ADGRB3: variants seen among roughly 807,000 people sequenced by gnomAD.
ADGRB3 encodes the protein brain-specific angiogenesis inhibitor 3.
ADGRB3 carries 37 observed loss-of-function variants against 193.4 expected under a neutral mutation model. That is an observed-to-expected ratio of 0.19 (90% CI 0.15 to 0.25). ADGRB3 has a LOEUF of 0.25. Ranked by LOEUF, ADGRB3 falls within the 10% of genes least tolerant of loss-of-function variation. The pLI is 1.00. For synonymous variants in ADGRB3, 690 were observed against 644.2 expected (o/e 1.07, Z -1.08); for missense variants, 1,637 against 1,852.9 (o/e 0.88, Z 2.14).
chr6:69,185,118 A>T (rs1468668186), intron 17 of ADGRB3, among the ~76,000 whole-genome samples: 1 of 152,118 alleles, frequency 6.6e-6, no homozygotes, highest in Non-Finnish European at 1.5e-5. Context: ...TCTACAAGAA[A>T]ATATCTTACG....
At chr6:69,163,267 A>G (rs1318816416) in intron 17 of ADGRB3, among the ~76,000 whole-genome samples, 16 of 151,994 alleles carry the variant, frequency 1.1e-4, no homozygotes, top group Admixed American at 1.0e-3. Context: ...TCTTACTACT[A>G]CTTTAGCCAC....
intron 20 of ADGRB3, among the ~76,000 whole-genome samples, chr6:69,255,455 C>T (rs964155678): frequency 3.9e-5 from 6 of 152,142 alleles, no homozygotes; most frequent in Non-Finnish European, 5.9e-5. Flanking sequence ...TCTCTGATGT[C>T]CAGTGATGGT....
chr6:68,955,685 A>G (rs527863225), intron 6 of ADGRB3, among the ~76,000 whole-genome samples: 6 of 152,080 alleles, frequency 3.9e-5, no homozygotes, highest in African/African-American at 1.4e-4. Context: ...CCAACTACTC[A>G]GGAGGCTGAG....
chr6:69,014,158 A>C (rs777061944), intron 12 of ADGRB3, 52 bp downstream of exon 12: 2 of 1,288,548 alleles, frequency 1.6e-6, no homozygotes, highest in Non-Finnish European at 2.2e-6. Context: ...AAGTGTAAAA[A>C]ATATGTGACT....
At chr6:68,721,207 C>T (rs1002005065) in intron 3 of ADGRB3, among the ~76,000 whole-genome samples, 5 of 151,768 alleles carry the variant, frequency 3.3e-5, no homozygotes, top group Non-Finnish European at 7.4e-5. Context: ...CTCACAATAG[C>T]AAAGACTTGG....
At chr6:69,360,430 G>A (rs922319155) in intron 28 of ADGRB3, among the ~76,000 whole-genome samples, 13 of 151,930 alleles carry the variant, frequency 8.6e-5, no homozygotes, top group South Asian at 6.2e-4. Context: ...TTTAATGAGC[G>A]TAACTTCTAG....
chr6:69,024,684 A>G (rs2785570), intron 13 of ADGRB3, among the ~76,000 whole-genome samples: 145,492 of 152,318 alleles, frequency 0.96, 69,802 homozygotes, highest in East Asian at 1. Context: ...AATCTAAAAC[A>G]TATCAATTTA....
At chr6:69,129,499 A>G (rs1561928241) in intron 17 of ADGRB3, among the ~76,000 whole-genome samples, 1 of 152,142 alleles carries the variant, frequency 6.6e-6, no homozygotes, top group Admixed American at 6.6e-5. Flanking sequence ...ACATAAGAAC[A>G]TTGGAAGAAG....
intron 13 of ADGRB3, among the ~76,000 whole-genome samples, chr6:69,047,842 T>C (rs565062958): frequency 5.9e-5 from 9 of 152,288 alleles, no homozygotes; most frequent in Middle Eastern, 3.4e-3. Context: ...AATCAGAATG[T>C]TTTTAAAAAA....
At chr6:68,818,495 A>G (rs991957333) in intron 3 of ADGRB3, among the ~76,000 whole-genome samples, 3 of 152,028 alleles carry the variant, frequency 2.0e-5, no homozygotes, top group Admixed American at 2.0e-4. Context: ...GTGTGGTAAG[A>G]AATACTGAGA....
At chr6:69,012,445 A>G (rs1769964600) in intron 11 of ADGRB3, among the ~76,000 whole-genome samples, 1 of 152,022 alleles carries the variant, frequency 6.6e-6, no homozygotes, top group Admixed American at 6.6e-5. Flanking sequence ...GTCACAGGCA[A>G]TTGGAGAACT....
At chr6:69,120,498 G>A (rs988826654) in intron 17 of ADGRB3, among the ~76,000 whole-genome samples, 3 of 152,156 alleles carry the variant, frequency 2.0e-5, no homozygotes, top group Non-Finnish European at 4.4e-5. Flanking sequence ...GACTAACTTG[G>A]GTCAAGATGG....
At chr6:68,830,969 G>A (rs1328244300) in intron 3 of ADGRB3, among the ~76,000 whole-genome samples, 2 of 121,380 alleles carry the variant, frequency 1.6e-5, no homozygotes, top group Non-Finnish European at 3.6e-5. Flanking sequence ...AAAAAAAAAA[G>A]AGAATGCTGA....
At chr6:68,899,266 C>G (rs1766326715) in intron 3 of ADGRB3, among the ~76,000 whole-genome samples, 1 of 152,142 alleles carries the variant, frequency 6.6e-6, no homozygotes, top group Non-Finnish European at 1.5e-5. Flanking sequence ...ACAGCTAGAA[C>G]TATTTCTTAG....
At chr6:68,829,951 T>C (rs1296826950) in intron 3 of ADGRB3, among the ~76,000 whole-genome samples, 1 of 152,174 alleles carries the variant, frequency 6.6e-6, no homozygotes, top group Non-Finnish European at 1.5e-5. Flanking sequence ...TAGATAGCTG[T>C]ATCTGCTATT....
At chr6:68,726,240 C>T (rs1765672059) in intron 3 of ADGRB3, among the ~76,000 whole-genome samples, 1 of 151,564 alleles carries the variant, frequency 6.6e-6, no homozygotes, top group Admixed American at 6.6e-5. Context: ...TGTGTAAAAA[C>T]TCACTTATAC....
chr6:69,027,406 G>A (rs1232622095), intron 13 of ADGRB3, among the ~76,000 whole-genome samples: 1 of 152,068 alleles, frequency 6.6e-6, no homozygotes, highest in Non-Finnish European at 1.5e-5. Context: ...AATACCTCCT[G>A]AGGGACTTGC....
intron 17 of ADGRB3, among the ~76,000 whole-genome samples, chr6:69,112,290 A>T (rs542612438): frequency 6.6e-6 from 1 of 152,314 alleles, no homozygotes; most frequent in South Asian, 2.1e-4. Context: ...CAGCAGAAAA[A>T]GGAAAGGAAA....
At chr6:68,935,541 T>G (rs1231318956) in intron 4 of ADGRB3, among the ~76,000 whole-genome samples, 2 of 152,210 alleles carry the variant, frequency 1.3e-5, no homozygotes, top group East Asian at 3.8e-4. Flanking sequence ...CCTACAAATT[T>G]TTTTTCAATG....
Sources: gnomAD v4.1 joint callset for allele counts (sites outside exome capture counted in the v4.1 genomes callset) on GRCh38, gnomAD v4.1.1 for gene constraint, MANE v1.5 for transcripts, NCBI Gene and HGNC (gene_info 2026-07-23, HGNC 2026-07-21) for gene names.